Variants in WDFY4 observed in about 807,000 individuals in gnomAD.
WDFY4 encodes WD repeat- and FYVE domain-containing protein 4.
Under a neutral mutation model 351.9 loss-of-function variants are expected in WDFY4, and 169 were observed. The ratio of observed to expected loss-of-function variants is 0.48; its 90% CI spans 0.42 to 0.55. The LOEUF is 0.55. Among genes scored for constraint, WDFY4 ranks in the 20% least tolerant of loss-of-function variants. WDFY4 has a pLI of 0.00. For synonymous variants in WDFY4, 1,622 were observed against 1,574.6 expected (o/e 1.03, Z -0.71); for missense variants, 3,803 against 3,935.6 (o/e 0.97, Z 0.90).
intron 1 of WDFY4, among the ~76,000 whole-genome samples, chr10:48,688,678 G>T (rs2063117646): frequency 6.6e-6 from 1 of 152,170 alleles, no homozygotes; most frequent in African/African-American, 2.4e-5. Flanking sequence ...GAGACCAAAG[G>T]AAGAAGCAAG....
Position 48,789,952 on chromosome 10 carries a change from C to A in WDFY4, c.4033C>A (p.Arg1345=), listed in dbSNP as rs761494482. 5 of 1,552,252 alleles carry A rather than the reference C, an allele frequency of 3.2e-6. No homozygotes were observed. Among genetic ancestry groups the A allele is most frequent in the Non-Finnish European group, 4.4e-6 (5 of 1,147,150 alleles). Residue 1345 remains arginine (R), a synonymous_variant, in exon 22 of 62, where the codon CGG becomes AGG. Transcript: ENST00000325239. ...TGCTGGCCACCTGTCAGGGTCTCTG[C>A]GGACCATTGGAGCTGTTGCTGTGGG... is the stretch of plus-strand genomic sequence containing the variant. ...NCAGHLSGSL[R]TIGAVAVGQL...
At chr10:48,837,804 C>T (rs559656672) in intron 39 of WDFY4, among the ~76,000 whole-genome samples, 3 of 152,296 alleles carry the variant, frequency 2.0e-5, no homozygotes, top group Admixed American at 2.0e-4. Flanking sequence ...GTACATAGAG[C>T]ATAAGCTGGA....
At chr10:48,834,077 G>A (rs923535760) in intron 39 of WDFY4, among the ~76,000 whole-genome samples, 1 of 152,220 alleles carries the variant, frequency 6.6e-6, no homozygotes, top group Non-Finnish European at 1.5e-5. Context: ...CTGATGCTAA[G>A]AGCTAAGGGC....
rs984157788 is a variant in WDFY4, at chr10:48,963,910, G to A, written c.8292G>A (p.Gln2764=). 7.1e-6 allele frequency: 11 copies of A among 1,551,430 alleles called. No homozygotes were observed. In the African/African-American group the frequency reaches 1.2e-4, roughly 17 times the overall value. Reference sequence around the variant, plus strand: ...TAGACCTTATTTTTGGGTACAAGCAGCAGGGGCCAGCCGCAGTGGATGCTG... The same window carrying A: ...TAGACCTTATTTTTGGGTACAAGCAACAGGGGCCAGCCGCAGTGGATGCTG... ...HWIDLIFGYK[Q]QGPAAVDAVN... Residue 2764 remains glutamine, a synonymous_variant, in exon 54 of 62, where the codon CAG becomes CAA. Transcript: ENST00000325239.
At chr10:48,933,744 G>A (rs1030777284) in intron 47 of WDFY4, among the ~76,000 whole-genome samples, 10 of 152,160 alleles carry the variant, frequency 6.6e-5, no homozygotes, top group South Asian at 2.1e-4. Context: ...GAGAGTTGGC[G>A]ATGGGGCTGG....
At chr10:48,741,040 G>A (rs184119741) in intron 11 of WDFY4, among the ~76,000 whole-genome samples, 1 of 152,046 alleles carries the variant, frequency 6.6e-6, no homozygotes, top group Admixed American at 6.6e-5. Context: ...AATCTGTTTT[G>A]TTTTTTAAAT....
At chr10:48,692,406 G>A (rs1460024215) in intron 1 of WDFY4, among the ~76,000 whole-genome samples, 1 of 152,204 alleles carries the variant, frequency 6.6e-6, no homozygotes, top group Non-Finnish European at 1.5e-5. Context: ...CACCACCCTG[G>A]AAGACTGCCT....
intron 47 of WDFY4, chr10:48,910,775 G>A (rs1000661861): frequency 1.9e-5 from 5 of 261,646 alleles, no homozygotes; most frequent in Non-Finnish European, 3.0e-5. Context: ...GTGAGTGTCA[G>A]GCCAGCCAAG....
At position 48,805,020 on chromosome 10, in the gene WDFY4, T is replaced by C. The variant is rs1242276370; in HGVS notation, c.4485-240T>C. 1.1e-4 allele frequency among the ~76,000 whole-genome samples: 16 copies of C among 152,174 alleles called. No individual in the cohort carries two copies. The East Asian group carries it at 2.9e-3, about 28-fold the overall frequency. ...AATTTAAAAGTCAATAATTGGGGTT[T>C]GTCTTTGAAGGTGGTTTCCGGGGGG... On this transcript the variant is annotated intron_variant, in intron 25 of 61. Coordinates refer to ENST00000325239, the MANE Select transcript of WDFY4 (RefSeq NM_001394531.1).
intron 40 of WDFY4, among the ~76,000 whole-genome samples, chr10:48,869,540 CA>C (rs1215576614): frequency 3.1e-5 from 3 of 97,136 alleles, no homozygotes; most frequent in South Asian, 3.8e-4. Flanking sequence ...GTCAATCAGC[CA>C]ATTTTTTTTT....
At chr10:48,720,341 C>G (rs1425623198) in intron 3 of WDFY4, among the ~76,000 whole-genome samples, 1 of 152,174 alleles carries the variant, frequency 6.6e-6, no homozygotes, top group Non-Finnish European at 1.5e-5. Context: ...TCCTGGGACA[C>G]AGACATAGAC....
chr10:48,775,799 G>C lies in WDFY4; in HGVS notation c.2856G>C (p.Gly952=). 1.3e-6 allele frequency: 2 copies of C among 1,551,708 alleles called. No homozygotes were observed. Among genetic ancestry groups the C allele is most frequent in the Non-Finnish European group, 1.7e-6 (2 of 1,146,950 alleles). The change falls in exon 15 of 62, where the codon GGG becomes GGC. Residue 952 remains glycine, a synonymous_variant. Coordinates refer to ENST00000325239, the MANE Select transcript of WDFY4 (RefSeq NM_001394531.1). Reference sequence around the variant, plus strand: ...CTCACACACACAGAGGCAACCCTGGGTGCTCAGGTGAGGACAGTGGCAAGA... The same window carrying C: ...CTCACACACACAGAGGCAACCCTGGCTGCTCAGGTGAGGACAGTGGCAAGA... ...DSSHTHRGNP[G]CSGSQTAQGL... is the part of the protein sequence containing the mutation.
intron 19 of WDFY4, among the ~76,000 whole-genome samples, chr10:48,785,878 G>A (rs2066389224): frequency 6.6e-6 from 1 of 152,090 alleles, no homozygotes; most frequent in Admixed American, 6.6e-5. Flanking sequence ...GACCTTGCTG[G>A]AATTCTGATA....
intron 58 of WDFY4, among the ~76,000 whole-genome samples, chr10:48,976,287 T>C (rs1362832492): frequency 6.6e-6 from 1 of 152,180 alleles, no homozygotes; most frequent in Non-Finnish European, 1.5e-5. Context: ...AATGTGAGCA[T>C]ATCAGGAGAT....
At chr10:48,908,212 C>T (rs1485952295) in intron 47 of WDFY4, among the ~76,000 whole-genome samples, 1 of 152,230 alleles carries the variant, frequency 6.6e-6, no homozygotes, top group Admixed American at 6.5e-5. Flanking sequence ...TCCAACTCTA[C>T]CCAGCCACAT....
chr10:48,693,530 A>G (rs2063251618), intron 1 of WDFY4, among the ~76,000 whole-genome samples: 1 of 152,252 alleles, frequency 6.6e-6, no homozygotes, highest in Admixed American at 6.5e-5. Context: ...GAGGTCTGCC[A>G]GCTTGTGGGA....
At chr10:48,768,586 T>A (rs2065751895) in intron 13 of WDFY4, among the ~76,000 whole-genome samples, 1 of 152,106 alleles carries the variant, frequency 6.6e-6, no homozygotes, top group East Asian at 1.9e-4. Context: ...GGCGCGCCTA[T>A]TGTGTTTTAG....
At chr10:48,857,041 T>A (rs543775620) in intron 39 of WDFY4, among the ~76,000 whole-genome samples, 18 of 152,334 alleles carry the variant, frequency 1.2e-4, no homozygotes, top group Middle Eastern at 3.4e-3. Flanking sequence ...TTGCTCACTT[T>A]CAAGAAAATA....
At chr10:48,818,708 A>C (rs2067706026) in intron 32 of WDFY4, among the ~76,000 whole-genome samples, 1 of 152,278 alleles carries the variant, frequency 6.6e-6, no homozygotes, top group Non-Finnish European at 1.5e-5. Context: ...AGTAGTTTTA[A>C]TAAAAAGACT....
Sources: gnomAD v4.1 joint callset for allele counts (sites outside exome capture counted in the v4.1 genomes callset) on GRCh38, gnomAD v4.1.1 for gene constraint, MANE v1.5 for transcripts, NCBI Gene and HGNC (gene_info 2026-07-23, HGNC 2026-07-21) for gene names.